The following RPS6KC1 variants were observed in gnomAD, a reference collection of about 807,000 sequenced individuals.
RPS6KC1 encodes the protein ribosomal protein S6 kinase C1, also known as inactive ribosomal protein S6 kinase delta-1.
A neutral mutation model predicts 103.8 loss-of-function variants in RPS6KC1; 54 were observed. The ratio of observed to expected loss-of-function variants is 0.52; its 90% confidence interval spans 0.42 to 0.65. The LOEUF (loss-of-function observed/expected upper bound fraction) is 0.65. Ranked by LOEUF, RPS6KC1 falls within the 30% of genes least tolerant of loss-of-function variation. The pLI, the probability that RPS6KC1 is intolerant of heterozygous loss-of-function variation, is 0.00. For missense variants in RPS6KC1, 1,151 were observed against 1,253.8 expected (o/e 0.92, Z 1.24); for synonymous variants, 439 against 438.7 (o/e 1.00, Z -0.01).
intron 8 of RPS6KC1, among the ~76,000 whole-genome samples, chr1:213,194,131 C>A (rs1222369536): frequency 6.6e-6 from 1 of 152,174 alleles, no homozygotes; most frequent in Non-Finnish European, 1.5e-5. Flanking sequence ...AATATAGCTA[C>A]TTCTGCTCTG....
At chr1:213,360,969 C>T in the RPS6KC1 span, among the ~76,000 whole-genome samples, 1 of 152,238 alleles carries the variant, frequency 6.6e-6, no homozygotes, top group African/African-American at 2.4e-5. Flanking sequence ...TCTGCCCCTA[C>T]TGGGGGGTGC....
the RPS6KC1 span, among the ~76,000 whole-genome samples, chr1:213,438,358 G>T: frequency 6.6e-6 from 1 of 152,080 alleles, no homozygotes; most frequent in Non-Finnish European, 1.5e-5. Context: ...GCTGGATATT[G>T]TATATGAAAA....
the RPS6KC1 span, among the ~76,000 whole-genome samples, chr1:213,800,745 A>AT: frequency 6.6e-6 from 1 of 152,130 alleles, no homozygotes; most frequent in African/African-American, 2.4e-5. Flanking sequence ...CATATTCTTC[A>AT]TTTTTTCTTT....
chr1:213,797,724 A>T, the RPS6KC1 span, among the ~76,000 whole-genome samples: 2 of 152,220 alleles, frequency 1.3e-5, no homozygotes, highest in Non-Finnish European at 2.9e-5. Flanking sequence ...GAACTATTTT[A>T]AGGCTGTGCC....
the RPS6KC1 span, among the ~76,000 whole-genome samples, chr1:213,356,008 A>G: frequency 6.6e-6 from 1 of 152,222 alleles, no homozygotes; most frequent in South Asian, 2.1e-4. Flanking sequence ...AAGTGTTCAG[A>G]ACGGTGCCTG....
the RPS6KC1 span, among the ~76,000 whole-genome samples, chr1:213,747,059 G>A: frequency 3.3e-5 from 5 of 152,162 alleles, no homozygotes; most frequent in East Asian, 1.9e-4. Flanking sequence ...AATGCCATGA[G>A]ACTGGGTGAG....
At chr1:213,642,905 A>C in the RPS6KC1 span, among the ~76,000 whole-genome samples, 1 of 151,750 alleles carries the variant, frequency 6.6e-6, no homozygotes, top group Non-Finnish European at 1.5e-5. Context: ...TTTTCCCCAA[A>C]ATATTTTATC....
chr1:213,805,825 T>A, the RPS6KC1 span, among the ~76,000 whole-genome samples: 1 of 152,216 alleles, frequency 6.6e-6, no homozygotes, highest in East Asian at 1.9e-4. Flanking sequence ...CCTCAGAAAA[T>A]GTATTTCTCA....
At chr1:213,638,296 T>C in the RPS6KC1 span, among the ~76,000 whole-genome samples, 1 of 152,134 alleles carries the variant, frequency 6.6e-6, no homozygotes, top group Non-Finnish European at 1.5e-5. Context: ...TGAATTGTGA[T>C]TTGCAAATAT....
chr1:213,804,252 A>C, the RPS6KC1 span, among the ~76,000 whole-genome samples: 7 of 151,046 alleles, frequency 4.6e-5, no homozygotes, highest in Non-Finnish European at 1.0e-4. Flanking sequence ...GAACACAATC[A>C]GGAAACGTGG....
At chr1:213,397,853 CT>C in the RPS6KC1 span, among the ~76,000 whole-genome samples, 1 of 152,090 alleles carries the variant, frequency 6.6e-6, no homozygotes, top group African/African-American at 2.4e-5. Flanking sequence ...TCTGGGAAGC[CT>C]TTCATACCAG....
rs779190576 is a variant in RPS6KC1, at chr1:213,104,579, T to G, written c.378+10T>G. On this transcript the variant is annotated intron_variant, in intron 4 of 14. Transcript: ENST00000366960. The stretch of plus-strand genomic sequence containing the variant: ...TGAAGACTTTTTCAAGGTTTGGTAG[T>G]CTTTCTGGAATATTTTATATCTTAT... The G allele has an allele frequency of 2.8e-6, 4 of 1,421,352 alleles. No homozygotes were observed. The Admixed American group carries it at 5.5e-5, about 20-fold the overall frequency. The allele number at this position is 1,421,352 out of a possible 1,614,324, so 88.0% of individuals were successfully genotyped here. A position where few individuals can be genotyped will look rare whatever the true frequency, so the allele number is the denominator to read the frequency against.
intron 12 of RPS6KC1, among the ~76,000 whole-genome samples, chr1:213,251,974 A>C (rs2094553828): frequency 6.6e-6 from 1 of 152,230 alleles, no homozygotes; most frequent in Non-Finnish European, 1.5e-5. Context: ...TTTATAGGTG[A>C]ATAGTTGTAT....
chr1:213,862,394 C>G, the RPS6KC1 span, among the ~76,000 whole-genome samples: 1 of 152,114 alleles, frequency 6.6e-6, no homozygotes, highest in Non-Finnish European at 1.5e-5. Context: ...AGCCGTAGGC[C>G]CTGGGCCAGA....
At chr1:213,118,392 G>A (rs1321407492) in intron 5 of RPS6KC1, among the ~76,000 whole-genome samples, 3 of 151,924 alleles carry the variant, frequency 2.0e-5, no homozygotes, top group Non-Finnish European at 4.4e-5. Flanking sequence ...AGGTGGCTTA[G>A]GTTTGGTTTA....
chr1:213,242,436 T>C (rs2094377691), intron 11 of RPS6KC1, 133 bp from the exon 12 acceptor site: 1 of 1,107,964 alleles, frequency 9.0e-7, no homozygotes, highest in African/African-American at 1.6e-5. Context: ...CCCCCAGTAA[T>C]AGCTTCTAGT....
the RPS6KC1 span, among the ~76,000 whole-genome samples, chr1:213,826,799 C>G: frequency 1.3e-5 from 2 of 152,080 alleles, no homozygotes; most frequent in African/African-American, 4.8e-5. Flanking sequence ...TATTCTCTAC[C>G]TATAATAAGG....
chr1:213,472,487 C>T, the RPS6KC1 span, among the ~76,000 whole-genome samples: 1 of 152,190 alleles, frequency 6.6e-6, no homozygotes, highest in Non-Finnish European at 1.5e-5. Flanking sequence ...TCTCCTGGCC[C>T]TCTGATAGAG....
the RPS6KC1 span, among the ~76,000 whole-genome samples, chr1:213,535,594 A>G: frequency 5.6e-4 from 85 of 151,794 alleles, no homozygotes; most frequent in East Asian, 0.012. Context: ...AAAACAGGTA[A>G]TCCCCAGGGT....
Sources: allele counts gnomAD v4.1 joint callset (sites outside exome capture counted in the v4.1 genomes callset), GRCh38; gene constraint gnomAD v4.1.1; transcripts MANE v1.5; gene names NCBI Gene and HGNC (gene_info 2026-07-23, HGNC 2026-07-21).